ARK2C: variants seen among roughly 807,000 people sequenced by gnomAD.
The protein encoded by ARK2C is arkadia (RNF111) C-terminal like ring finger ubiquitin ligase 2C.
At chr18:46,334,562 C>T in the ARK2C span, 2 of 492,426 alleles carry the variant, frequency 4.1e-6, no homozygotes, top group South Asian at 6.4e-5. This position sits in a 1 kb window ranked among gnomAD's most constrained non-coding sequence, Gnocchi z 4.4. Flanking sequence ...TGGGTCCCTT[C>T]CTCCCCAGCC....
the ARK2C span, among the ~76,000 whole-genome samples, chr18:46,412,383 C>A: frequency 6.6e-6 from 1 of 152,252 alleles, no homozygotes; most frequent in Non-Finnish European, 1.5e-5. Flanking sequence ...TGCAGGCAAA[C>A]ATGTCCCTGC....
chr18:46,405,456 G>A, the ARK2C span, among the ~76,000 whole-genome samples: 1 of 152,206 alleles, frequency 6.6e-6, no homozygotes, highest in Non-Finnish European at 1.5e-5. Flanking sequence ...GGCAGGGACA[G>A]GAGGGCTGCA....
At chr18:46,422,686 G>A in the ARK2C span, among the ~76,000 whole-genome samples, 5 of 152,214 alleles carry the variant, frequency 3.3e-5, no homozygotes, top group Non-Finnish European at 5.9e-5. Context: ...GCCAAAAGGA[G>A]GGTAGATGTT....
the ARK2C span, chr18:46,447,358 T>C: frequency 1.7e-6 from 1 of 596,680 alleles, no homozygotes. Flanking sequence ...CTCTAGCTCC[T>C]TCAGACCTTT....
the ARK2C span, among the ~76,000 whole-genome samples, chr18:46,454,627 C>T: frequency 1.3e-5 from 2 of 152,178 alleles, no homozygotes; most frequent in East Asian, 3.9e-4. Flanking sequence ...GAGTTTAGGA[C>T]CAGAGGCCAG....
chr18:46,381,920 C>T, the ARK2C span, among the ~76,000 whole-genome samples: 3 of 152,152 alleles, frequency 2.0e-5, no homozygotes, highest in African/African-American at 4.8e-5. Flanking sequence ...ATGTGCGACT[C>T]CCTTGCTCTC....
chr18:46,383,388 G>A, the ARK2C span, among the ~76,000 whole-genome samples: 977 of 152,202 alleles, frequency 6.4e-3, 6 homozygotes, highest in African/African-American at 0.021. Flanking sequence ...GGAAAAATAC[G>A]TATATATAAA....
the ARK2C span, chr18:46,337,225 A>G: frequency 1.0e-6 from 1 of 985,390 alleles, no homozygotes; most frequent in Non-Finnish European, 1.2e-6. Flanking sequence ...AAGAGAAAAA[A>G]GAAAAGAAAA....
the ARK2C span, among the ~76,000 whole-genome samples, chr18:46,383,781 G>A: frequency 6.6e-6 from 1 of 151,978 alleles, no homozygotes; most frequent in Non-Finnish European, 1.5e-5. Flanking sequence ...GTCTTGATCT[G>A]ACCTCGTGAT....
chr18:46,375,908 C>T, the ARK2C span, among the ~76,000 whole-genome samples: 1 of 152,172 alleles, frequency 6.6e-6, no homozygotes, highest in African/African-American at 2.4e-5. Flanking sequence ...AGGTTCAGTC[C>T]CTGCCTTTGA....
the ARK2C span, among the ~76,000 whole-genome samples, chr18:46,398,011 ATGTG>A: frequency 2.4e-5 from 1 of 41,676 alleles, no homozygotes; most frequent in Non-Finnish European, 4.7e-5. Flanking sequence ...TGCATGTGGT[ATGTG>A]TGTGTGGTCA....
At chr18:46,341,041 G>A in the ARK2C span, among the ~76,000 whole-genome samples, 4 of 152,022 alleles carry the variant, frequency 2.6e-5, no homozygotes, top group Non-Finnish European at 4.4e-5. Context: ...TGTTGATGGC[G>A]GGGCGGAGGC....
At chr18:46,369,862 A>T in the ARK2C span, among the ~76,000 whole-genome samples, 1 of 152,224 alleles carries the variant, frequency 6.6e-6, no homozygotes, top group Non-Finnish European at 1.5e-5. Flanking sequence ...ATCAGGGTAG[A>T]GCCCGGGGCC....
At chr18:46,414,228 C>T in the ARK2C span, among the ~76,000 whole-genome samples, 2 of 152,224 alleles carry the variant, frequency 1.3e-5, no homozygotes, top group African/African-American at 4.8e-5. Flanking sequence ...CTGAACACAA[C>T]CTGCCTGACT....
the ARK2C span, among the ~76,000 whole-genome samples, chr18:46,391,574 C>T: frequency 2.6e-5 from 4 of 152,020 alleles, no homozygotes; most frequent in African/African-American, 9.7e-5. Context: ...AGGCCCTGCT[C>T]GAGCAGGGTA....
the ARK2C span, among the ~76,000 whole-genome samples, chr18:46,395,908 G>A: frequency 2.6e-5 from 4 of 152,304 alleles, no homozygotes; most frequent in South Asian, 2.1e-4. Context: ...TAGTTCTTCC[G>A]ATCTCATTTA....
the ARK2C span, among the ~76,000 whole-genome samples, chr18:46,422,019 C>A: frequency 5.3e-5 from 8 of 152,112 alleles, no homozygotes; most frequent in African/African-American, 1.7e-4. Flanking sequence ...CCATGGCAGC[C>A]CTGGGGGCTA....
the ARK2C span, among the ~76,000 whole-genome samples, chr18:46,406,566 G>T: frequency 1.3e-5 from 2 of 152,230 alleles, no homozygotes; most frequent in African/African-American, 2.4e-5. Context: ...GGCTCAGAGA[G>T]GTCCTGGCTT....
chr18:46,335,367 T>C, the ARK2C span: 3 of 152,132 alleles, frequency 2.0e-5, no homozygotes, highest in African/African-American at 7.2e-5. Flanking sequence ...AGCTTGATTT[T>C]CCCCTCTTCT....
Sources: allele counts gnomAD v4.1 joint callset (sites outside exome capture counted in the v4.1 genomes callset), GRCh38; gene constraint gnomAD v4.1.1; non-coding constraint Gnocchi (gnomAD v3.1); transcripts MANE v1.5; gene names NCBI Gene and HGNC (gene_info 2026-07-23, HGNC 2026-07-21).